Variants in RNF38 observed in about 807,000 individuals in gnomAD.
The protein encoded by RNF38 is E3 ubiquitin-protein ligase RNF38.
Under a neutral mutation model 67.2 loss-of-function variants are expected in RNF38, and 15 were observed. That is an observed-to-expected ratio of 0.22 (90% CI 0.15 to 0.34). RNF38 has a LOEUF of 0.34. RNF38 is among the 10% of genes least tolerant of loss of function. RNF38 has a pLI of 1.00. For missense variants in RNF38, 524 were observed against 639.9 expected (o/e 0.82, Z 1.95); for synonymous variants, 220 against 218.8 (o/e 1.01, Z -0.05).
intron 1 of RNF38, among the ~76,000 whole-genome samples, chr9:36,479,167 C>G (rs573166298): frequency 1.7e-4 from 26 of 152,192 alleles, no homozygotes; most frequent in Admixed American, 7.2e-4. Flanking sequence ...TTCTCCCTAC[C>G]AACAAGTACT....
chr9:36,340,397 G>A (rs1018582787), intron 11 of RNF38, among the ~76,000 whole-genome samples: 1 of 152,074 alleles, frequency 6.6e-6, no homozygotes, highest in Non-Finnish European at 1.5e-5. Flanking sequence ...TTTTTCCCCC[G>A]TTTTTTGAGA....
rs777128184 is a variant in RNF38, at chr9:36,353,201, T to A, written c.1040A>T (p.Asp347Val). The A allele has an allele frequency of 6.2e-7, 1 of 1,614,062 alleles. No individual in the cohort carries two copies. Among genetic ancestry groups the A allele is most frequent in the Non-Finnish European group, 8.5e-7 (1 of 1,179,998 alleles). Residue 347 changes from aspartate to valine, a missense_variant, in exon 7 of 12, where the codon GAT (aspartate) becomes GTT (valine). Physicochemically the swap from Asp to Val is radical, Grantham distance 152. Around this residue, in one of 2 missense-constraint regions of RNF38, gnomAD observed 461 missense variants for 517.4 expected, o/e 0.89. Coordinates refer to ENST00000259605, the MANE Select transcript of RNF38 (RefSeq NM_022781.5). Reference protein sequence around the residue: ...PSAPLQFLTHDPLHQEVSFGV... With the variant: ...PSAPLQFLTHVPLHQEVSFGV... The stretch of plus-strand genomic sequence containing the variant: ...AAAGGACACCTCCTGATGCAAAGGA[T>A]CATGTGTTAAGAACTGCAAGGGAGC...
intron 4 of RNF38, among the ~76,000 whole-genome samples, chr9:36,369,258 G>C (rs1228956061): frequency 6.6e-6 from 1 of 151,572 alleles, no homozygotes; most frequent in Non-Finnish European, 1.5e-5. Flanking sequence ...TTAATTTTTT[G>C]AGACGAAGTC....
At chr9:36,432,495 A>G (rs1377320172) in intron 1 of RNF38, among the ~76,000 whole-genome samples, 1 of 152,160 alleles carries the variant, frequency 6.6e-6, no homozygotes, top group African/African-American at 2.4e-5. Context: ...GGTAAAATTC[A>G]AAGAAATACT....
chr9:36,366,370 TC>T (rs1834963228), intron 4 of RNF38, among the ~76,000 whole-genome samples: 1 of 151,996 alleles, frequency 6.6e-6, no homozygotes, highest in African/African-American at 2.4e-5. Context: ...TCAAACAGAA[TC>T]AAAAAAAAGC....
chr9:36,399,821 A>G (rs1256392667), intron 1 of RNF38, among the ~76,000 whole-genome samples: 1 of 152,132 alleles, frequency 6.6e-6, no homozygotes, highest in Non-Finnish European at 1.5e-5. Flanking sequence ...ATTGAAAAAA[A>G]TTTACGGTAA....
chr9:36,346,473 G>A (rs565206199), intron 9 of RNF38, among the ~76,000 whole-genome samples: 6 of 152,286 alleles, frequency 3.9e-5, no homozygotes, highest in Admixed American at 1.3e-4. Context: ...CTACAGGAGT[G>A]AGCCACTATG....
intron 2 of RNF38, among the ~76,000 whole-genome samples, chr9:36,407,155 A>G (rs1158378332): frequency 6.6e-6 from 1 of 152,256 alleles, no homozygotes; most frequent in African/African-American, 2.4e-5. Context: ...TCACCCAGAA[A>G]TGTTAACACA....
intron 10 of RNF38, among the ~76,000 whole-genome samples, chr9:36,343,883 G>A (rs1246769362): frequency 6.6e-6 from 1 of 152,166 alleles, no homozygotes; most frequent in Non-Finnish European, 1.5e-5. Context: ...ACCAAGGTGA[G>A]GTAGAAATAT....
intron 4 of RNF38, among the ~76,000 whole-genome samples, chr9:36,369,234 C>T (rs1835190926): frequency 6.6e-6 from 1 of 152,074 alleles, no homozygotes; most frequent in Non-Finnish European, 1.5e-5. Context: ...CTTTCATAAC[C>T]TTGATCCTTT....
chr9:36,417,347 C>T (rs1396725106), intron 2 of RNF38, among the ~76,000 whole-genome samples: 1 of 152,216 alleles, frequency 6.6e-6, no homozygotes, highest in African/African-American at 2.4e-5. Context: ...TCTCCACACA[C>T]TGTTTTGTCC....
chr9:36,391,602 T>A (rs1034868824), intron 1 of RNF38, among the ~76,000 whole-genome samples: 3 of 151,462 alleles, frequency 2.0e-5, no homozygotes, highest in African/African-American at 7.3e-5. Context: ...AACAAAGGCA[T>A]CGTTTCCTAC....
chr9:36,402,449 G>T (rs989490749), upstream of RNF38, among the ~76,000 whole-genome samples: 3 of 150,736 alleles, frequency 2.0e-5, no homozygotes, highest in Non-Finnish European at 4.4e-5. Flanking sequence ...GCAATCTACT[G>T]TGGATTCGCC....
intron 1 of RNF38, among the ~76,000 whole-genome samples, chr9:36,471,868 T>C (rs1479946369): frequency 6.6e-6 from 1 of 152,222 alleles, no homozygotes; most frequent in African/African-American, 2.4e-5. Context: ...TAGCTGGGAT[T>C]ACAGGTGAGC....
chr9:36,364,093 G>C (rs1038196330), intron 4 of RNF38, among the ~76,000 whole-genome samples: 3 of 147,406 alleles, frequency 2.0e-5, no homozygotes, highest in Admixed American at 6.8e-5. Context: ...GCCTCCCAAA[G>C]TGCTAGGATT....
At chr9:36,465,725 C>T (rs80171976) in intron 1 of RNF38, among the ~76,000 whole-genome samples, 1 of 152,166 alleles carries the variant, frequency 6.6e-6, no homozygotes, top group South Asian at 2.1e-4. Flanking sequence ...AAGTATGATA[C>T]ACCTATACAA....
intron 3 of RNF38, 108 bp downstream of exon 3, chr9:36,375,825 TG>T: frequency 1.0e-6 from 1 of 958,536 alleles, no homozygotes; most frequent in Non-Finnish European, 1.6e-6. Context: ...CGTGTATATG[TG>T]GTGATGTGTT....
At position 36,349,702 on chromosome 9, in the gene RNF38, C is replaced by T. The variant is rs376433289; in HGVS notation, c.1263+1413G>A. ...ATGGCCAAAAAACCAATGCCATGGCCAATATCGAGGAGCTTTTCCCCTGTT... is the reference window on the plus strand; with the variant it reads ...ATGGCCAAAAAACCAATGCCATGGCTAATATCGAGGAGCTTTTCCCCTGTT... On this transcript the variant is annotated intron_variant, in intron 9 of 11. Coordinates refer to ENST00000259605, the MANE Select transcript of RNF38 (RefSeq NM_022781.5). Among the ~76,000 whole-genome samples the T allele has an allele frequency of 3.9e-5, 6 of 152,106 alleles. No individual in the cohort carries two copies. In the East Asian group the frequency reaches 9.6e-4, roughly 24 times the overall value.
In RNF38 at chr9:36,369,920, C is replaced by T; in HGVS notation, c.369G>A (p.Arg123=). ...PARNRRSPPV[R]RQRGRRDRLS... ...GACGATCCCTTCTTCCTCTCTGGCG[C>T]CTGACAGGAGGACTGTGATAAATAT... The change falls in exon 4 of 12, where the codon AGG becomes AGA. Residue 123 remains arginine, a synonymous_variant. Coordinates refer to ENST00000259605, the MANE Select transcript of RNF38 (RefSeq NM_022781.5). 1.2e-6 allele frequency: 2 copies of T among 1,612,154 alleles called. No homozygotes were observed. The highest frequency in any genetic ancestry group is 1.7e-6 in the Non-Finnish European group (2 of 1,179,536).
Sources: allele counts gnomAD v4.1 joint callset (sites outside exome capture counted in the v4.1 genomes callset), GRCh38; gene constraint gnomAD v4.1.1; regional missense constraint gnomAD v4.1.1; transcripts MANE v1.5; gene names NCBI Gene and HGNC (gene_info 2026-07-23, HGNC 2026-07-21).